Variants in CEP89 observed in about 807,000 individuals in gnomAD.
CEP89 encodes centrosomal protein 89, also known as centrosomal protein of 89 kDa.
In CEP89, 95 loss-of-function variants were observed where a neutral mutation model predicts 97.6. The observed-to-expected ratio is 0.97, with a 90% CI of 0.82 to 1.15. The LOEUF (loss-of-function observed/expected upper bound fraction) is 1.15, where lower values mean the gene tolerates loss of function less well. Ranked by LOEUF, CEP89 falls within the 50% of genes most tolerant of loss-of-function variation. CEP89 has a pLI of 0.00. For synonymous variants in CEP89, 354 were observed against 349.1 expected (o/e 1.01, Z -0.16); for missense variants, 869 against 947.7 (o/e 0.92, Z 1.09).
At chr19:32,921,378 C>T (rs1224447998) in intron 12 of CEP89, among the ~76,000 whole-genome samples, 2 of 152,150 alleles carry the variant, frequency 1.3e-5, no homozygotes, top group Non-Finnish European at 2.9e-5. Context: ...GCCCAGAGAC[C>T]CTCCTGCAGC....
intron 16 of CEP89, among the ~76,000 whole-genome samples, chr19:32,897,850 C>T (rs1270403731): frequency 1.3e-5 from 2 of 152,178 alleles, no homozygotes; most frequent in Non-Finnish European, 2.9e-5. Flanking sequence ...GAGTGAGCCA[C>T]CATGCCTGGC....
rs181193444 is a variant in CEP89 at position 32,950,057 on chromosome 19, G to A, written c.493-1689C>T. ...TTTAATACAGACAGGATCTCACTAT[G>A]GTGTCCAGGCCAGTCTTGAACTCTT... On this transcript the variant is annotated intron_variant, in intron 4 of 18. Coordinates refer to ENST00000305768, the MANE Select transcript of CEP89 (RefSeq NM_032816.5). 4.1e-3 allele frequency among the ~76,000 whole-genome samples: 626 copies of A among 151,198 alleles called. 3 individuals carry two copies. Among genetic ancestry groups the A allele is most frequent in the African/African-American group, 0.015 (608 of 41,148 alleles).
chr19:32,930,795 C>T (rs1181483432), intron 9 of CEP89, among the ~76,000 whole-genome samples: 2 of 152,186 alleles, frequency 1.3e-5, no homozygotes, highest in Non-Finnish European at 2.9e-5. Context: ...GCTTTCCTTT[C>T]GAAGTTAATG....
chr19:32,932,108 G>T (rs934222476), intron 8 of CEP89, among the ~76,000 whole-genome samples: 4 of 152,006 alleles, frequency 2.6e-5, no homozygotes, highest in African/African-American at 4.8e-5. Flanking sequence ...GTGAACCCAG[G>T]GGGTGGAGCT....
intron 3 of CEP89, among the ~76,000 whole-genome samples, chr19:32,959,060 A>C (rs1287962873): frequency 2.7e-5 from 4 of 148,514 alleles, no homozygotes; most frequent in South Asian, 2.1e-4. Context: ...AAAAAAAAAA[A>C]CAGACAAATG....
chr19:32,941,787 C>T (rs892377602), intron 5 of CEP89, among the ~76,000 whole-genome samples: 3 of 152,120 alleles, frequency 2.0e-5, no homozygotes, highest in East Asian at 1.9e-4. Context: ...CCCCAGACTA[C>T]GGTTTGCAAT....
intron 9 of CEP89, among the ~76,000 whole-genome samples, chr19:32,927,352 A>T (rs370397421): frequency 1.3e-5 from 2 of 152,158 alleles, no homozygotes; most frequent in African/African-American, 4.8e-5. Flanking sequence ...ACTTAACCAC[A>T]GTACTGTCAT....
At chr19:32,926,624 C>T (rs907921911) in intron 10 of CEP89, among the ~76,000 whole-genome samples, 1 of 152,356 alleles carries the variant, frequency 6.6e-6, no homozygotes, top group South Asian at 2.1e-4. Context: ...TGCAGTGGCA[C>T]GATCTCAGCT....
rs151069626 is a variant in CEP89 at position 32,928,477 on chromosome 19, C to A, written c.1030-1493G>T. Among the ~76,000 whole-genome samples the A allele has an allele frequency of 2.5e-4, 38 of 152,084 alleles. No homozygotes were observed. In the East Asian group the frequency reaches 7.0e-3, roughly 28 times the overall value. ...CCTGGTCATGGTAGGTCTGTAGTAACCTTTCCTAAAAAGCTCTTTTAGCCA... is the reference window on the plus strand; with the variant it reads ...CCTGGTCATGGTAGGTCTGTAGTAAACTTTCCTAAAAAGCTCTTTTAGCCA... On this transcript the variant is annotated intron_variant, in intron 9 of 18. Coordinates refer to ENST00000305768, the MANE Select transcript of CEP89 (RefSeq NM_032816.5).
At chr19:32,938,620 A>T (rs893051439) in intron 6 of CEP89, among the ~76,000 whole-genome samples, 7 of 152,202 alleles carry the variant, frequency 4.6e-5, no homozygotes, top group Non-Finnish European at 8.8e-5. Context: ...AACTTAAGTT[A>T]GAACTATTTC....
At chr19:32,905,768 G>C (rs1253994390) in intron 14 of CEP89, among the ~76,000 whole-genome samples, 1 of 152,172 alleles carries the variant, frequency 6.6e-6, no homozygotes, top group East Asian at 1.9e-4. Flanking sequence ...GCCCAGGCTA[G>C]AGTACAGTGG....
chr19:32,886,817 C>T (rs962149069), intron 17 of CEP89, among the ~76,000 whole-genome samples: 7 of 151,252 alleles, frequency 4.6e-5, no homozygotes, highest in African/African-American at 9.7e-5. Flanking sequence ...ATGCCGAGTC[C>T]CCTCATAAAC....
intron 3 of CEP89, among the ~76,000 whole-genome samples, chr19:32,957,969 C>T (rs1450090943): frequency 1.3e-5 from 2 of 151,684 alleles, no homozygotes; most frequent in Admixed American, 6.6e-5. Flanking sequence ...GCACTCCAGC[C>T]TGTGCAACAG....
At chr19:32,938,850 T>C (rs1970629141) in intron 6 of CEP89, among the ~76,000 whole-genome samples, 1 of 152,128 alleles carries the variant, frequency 6.6e-6, no homozygotes, top group African/African-American at 2.4e-5. Context: ...CTCGGGAGGA[T>C]GAGGCAGGAG....
chr19:32,950,165 T>C (rs980197503), intron 4 of CEP89, among the ~76,000 whole-genome samples: 5 of 152,020 alleles, frequency 3.3e-5, no homozygotes, highest in African/African-American at 1.2e-4. Context: ...GACCTCAAGC[T>C]TTTTTATCTC....
chr19:32,890,573 C>A (rs79689188), intron 16 of CEP89, among the ~76,000 whole-genome samples: 1 of 151,934 alleles, frequency 6.6e-6, no homozygotes, highest in Non-Finnish European at 1.5e-5. Context: ...GAGGGCTGGG[C>A]GGCACCCGCG....
chr19:32,943,429 A>T (rs1468279790), intron 5 of CEP89, among the ~76,000 whole-genome samples: 1 of 152,210 alleles, frequency 6.6e-6, no homozygotes, highest in Non-Finnish European at 1.5e-5. Flanking sequence ...CTCCAGAGGT[A>T]ACCATGGTTA....
intron 7 of CEP89, among the ~76,000 whole-genome samples, chr19:32,934,448 C>T (rs902783778): frequency 4.6e-5 from 7 of 152,162 alleles, no homozygotes; most frequent in African/African-American, 1.7e-4. Flanking sequence ...AGATGTGCTC[C>T]GAAAGGTCAC....
rs550942010 is a variant in CEP89 at position 32,942,730 on chromosome 19, C to A, written c.596-2845G>T. The stretch of plus-strand genomic sequence containing the variant: ...CTCAAAAAGATTTCCAGAGTCCTCA[C>A]CCTCCTCATTTCTATTACCTATATG... On this transcript the variant is annotated intron_variant, in intron 5 of 18. Transcript: ENST00000305768. 1.4e-4 allele frequency among the ~76,000 whole-genome samples: 21 copies of A among 152,260 alleles called. 1 individual carries two copies. The highest frequency in any genetic ancestry group is 4.6e-4 in the African/African-American group (19 of 41,544).
Sources: gnomAD v4.1 joint callset for allele counts (sites outside exome capture counted in the v4.1 genomes callset) on GRCh38, gnomAD v4.1.1 for gene constraint, MANE v1.5 for transcripts, NCBI Gene and HGNC (gene_info 2026-07-23, HGNC 2026-07-21) for gene names.